The following NEK11 variants were observed in gnomAD, a reference collection of about 807,000 sequenced individuals.
NEK11 encodes serine/threonine-protein kinase Nek11.
Under a neutral mutation model 80.7 loss-of-function variants are expected in NEK11, and 72 were observed. That is an observed-to-expected ratio of 0.89 (90% confidence interval 0.74 to 1.08). The LOEUF (loss-of-function observed/expected upper bound fraction) is 1.08, where lower values mean the gene tolerates loss of function less well. NEK11 is among the 50% of genes least tolerant of loss of function. The probability of loss-of-function intolerance (pLI) is 0.00; values close to 1 mark genes in which losing one functional copy is unlikely to be tolerated. For synonymous variants in NEK11, 251 were observed against 260.7 expected, an observed-to-expected ratio of 0.96 and a Z score of 0.36; for missense variants, 764 against 763.6, an observed-to-expected ratio of 1.00 and a Z score of -0.01.
Position 131,170,876 on chromosome 3 carries a change from T to G in NEK11, c.1388T>G (p.Leu463Arg), listed in dbSNP as rs1267984483. 2 of 1,603,998 alleles carry G rather than the reference T, an allele frequency of 1.2e-6. No homozygotes were observed. The highest frequency in any genetic ancestry group is 1.3e-5 in the African/African-American group (1 of 74,736). The part of the protein sequence containing the change: ...ESIVEDATSD[L>R]GYHEIPEDPL... ...ATTGTAGAGGATGCCACATCTGACC[T>G]TGGATACCATGGTATGTGTTTGCAT... Residue 463 changes from leucine (L) to arginine (R), a missense_variant, in exon 14 of 18, where the codon CTT (leucine) becomes CGT (arginine). Physicochemically the swap from Leu to Arg is moderately radical, Grantham distance 102. Transcript: ENST00000383366.
In NEK11 at chr3:131,035,683, A is replaced by T. The variant is rs2065531261; in HGVS notation, c.170+5805A>T. On this transcript the variant is annotated intron_variant, in intron 3 of 17. Transcript: ENST00000383366. Reference sequence around the variant, plus strand: ...TAATCTGGTTCCTAGGATGAACAGTACCTCCTCCTTTGTGCACCCTCCCAC... The same window carrying T: ...TAATCTGGTTCCTAGGATGAACAGTTCCTCCTCCTTTGTGCACCCTCCCAC... 4.1e-5 allele frequency among the ~76,000 whole-genome samples: 6 copies of T among 145,804 alleles called. No homozygotes were observed. The South Asian group carries it at 1.1e-3, about 26-fold the overall frequency.
chr3:131,342,732 GGTGTGT>G (rs138440625), intron 17 of NEK11, among the ~76,000 whole-genome samples: 7 of 151,330 alleles, frequency 4.6e-5, no homozygotes, highest in Non-Finnish European at 8.9e-5. Flanking sequence ...CATGATAAGA[GGTGTGT>G]GTGTGTGTAT....
At chr3:131,330,319 C>T (rs2097055481) in intron 17 of NEK11, 1 of 152,100 alleles carries the variant, frequency 6.6e-6, no homozygotes, top group Non-Finnish European at 1.5e-5. Flanking sequence ...AGATTATTAC[C>T]TACTAGACAT....
intron 16 of NEK11, among the ~76,000 whole-genome samples, chr3:131,261,183 A>G (rs976315836): frequency 6.6e-6 from 1 of 152,202 alleles, no homozygotes; most frequent in Admixed American, 6.5e-5. Context: ...CCATAGAAGT[A>G]GGAGGAATCC....
intron 3 of NEK11, among the ~76,000 whole-genome samples, chr3:131,058,820 A>G (rs1336812396): frequency 1.3e-5 from 2 of 152,202 alleles, no homozygotes; most frequent in Non-Finnish European, 2.9e-5. Context: ...TCTGGGTAAC[A>G]GGAATTATCC....
chr3:131,064,694 A>G (rs946295665), intron 3 of NEK11, among the ~76,000 whole-genome samples: 7 of 152,194 alleles, frequency 4.6e-5, no homozygotes, highest in African/African-American at 1.4e-4. Context: ...TGTACACTTG[A>G]AAAGAGTGAA....
chr3:131,244,644 G>A (rs777781408), intron 16 of NEK11, among the ~76,000 whole-genome samples: 4 of 152,010 alleles, frequency 2.6e-5, no homozygotes, highest in Non-Finnish European at 4.4e-5. Flanking sequence ...ATTTGTGGTC[G>A]AAGGTGGTGG....
chr3:131,153,504 GT>G lies in NEK11; in HGVS notation c.876+804del, dbSNP rs755597467. Among the ~76,000 whole-genome samples, 31 of 151,038 alleles carry G rather than the reference GT, an allele frequency of 2.1e-4. 1 individual carries two copies. In the East Asian group the frequency reaches 3.9e-3, roughly 19 times the overall value. On this transcript the variant is annotated intron_variant, in intron 9 of 17. Transcript: ENST00000383366. ...TCCCCTCTTTAGAGGGCTTTTGTTT[GT>G]TTTTTTTTAAAACTTCTCAGGGTTT...
chr3:131,106,550 T>C (rs575931308), intron 4 of NEK11, among the ~76,000 whole-genome samples: 25 of 152,150 alleles, frequency 1.6e-4, no homozygotes, highest in Non-Finnish European at 3.4e-4. Context: ...ATCTGTATTA[T>C]ACTAAATGCC....
At chr3:131,287,378 A>G (rs1179240579) in intron 17 of NEK11, among the ~76,000 whole-genome samples, 2 of 152,110 alleles carry the variant, frequency 1.3e-5, no homozygotes, top group East Asian at 1.9e-4. Flanking sequence ...GGTTCAAGCA[A>G]TCCTCCCACC....
At chr3:131,284,341 T>A (rs2096444022) in intron 17 of NEK11, among the ~76,000 whole-genome samples, 1 of 152,202 alleles carries the variant, frequency 6.6e-6, no homozygotes. Context: ...CCTTAGGACA[T>A]GCCCTATGGT....
intron 17 of NEK11, among the ~76,000 whole-genome samples, chr3:131,347,138 G>A (rs929701488): frequency 6.6e-6 from 1 of 152,168 alleles, no homozygotes; most frequent in Non-Finnish European, 1.5e-5. Context: ...TCTCATGACA[G>A]AAGGTGGGAA....
chr3:131,112,938 A>G (rs903652302), intron 5 of NEK11, among the ~76,000 whole-genome samples: 1 of 152,214 alleles, frequency 6.6e-6, no homozygotes, highest in African/African-American at 2.4e-5. Flanking sequence ...GTGGAGTTAT[A>G]TAATATTGCC....
intron 3 of NEK11, among the ~76,000 whole-genome samples, chr3:131,065,152 T>C (rs755166628): frequency 6.6e-6 from 1 of 152,220 alleles, no homozygotes; most frequent in African/African-American, 2.4e-5. Flanking sequence ...AGAGCTTTGG[T>C]CTTAAAGTCA....
chr3:131,334,221 A>G (rs1347704410), intron 17 of NEK11, among the ~76,000 whole-genome samples: 3 of 152,204 alleles, frequency 2.0e-5, no homozygotes, highest in Non-Finnish European at 4.4e-5. Context: ...GTTGGAAGTA[A>G]AGCTCTCCTC....
chr3:131,136,001 A>G (rs1236156011), intron 7 of NEK11, among the ~76,000 whole-genome samples: 1 of 152,030 alleles, frequency 6.6e-6, no homozygotes, highest in African/African-American at 2.4e-5. Flanking sequence ...TACATGGAGT[A>G]TTATGGGATA....
intron 3 of NEK11, among the ~76,000 whole-genome samples, chr3:131,059,412 G>A (rs1160961787): frequency 2.0e-5 from 3 of 152,144 alleles, no homozygotes; most frequent in African/African-American, 7.2e-5. Flanking sequence ...TGATGTTACT[G>A]TAAAACTATT....
intron 14 of NEK11, among the ~76,000 whole-genome samples, chr3:131,214,823 A>G (rs1020865371): frequency 6.6e-6 from 1 of 152,154 alleles, no homozygotes; most frequent in Non-Finnish European, 1.5e-5. Context: ...TATAAAAAAC[A>G]GTACTGTACT....
rs548651100 is a variant in NEK11 at position 131,257,098 on chromosome 3, G to A, written c.1621+13602G>A. On this transcript the variant is annotated intron_variant, in intron 16 of 17. Coordinates refer to ENST00000383366, the MANE Select transcript of NEK11 (RefSeq NM_024800.5). ...CTCCTGGGCTCAGGGTAATCCTCCC[G>A]CTTCAGCCTCTCATGCAGCAGGGAC... 1.8e-4 allele frequency among the ~76,000 whole-genome samples: 27 copies of A among 151,784 alleles called. No individual in the cohort carries two copies. The South Asian group carries it at 2.1e-3, about 12-fold the overall frequency.
Sources: allele counts gnomAD v4.1 joint callset (sites outside exome capture counted in the v4.1 genomes callset), GRCh38; gene constraint gnomAD v4.1.1; transcripts MANE v1.5; gene names NCBI Gene and HGNC (gene_info 2026-07-23, HGNC 2026-07-21).